The following PRIMA1 variants were observed in gnomAD, a reference collection of about 807,000 sequenced individuals.
PRIMA1 encodes the protein proline-rich membrane anchor 1.
PRIMA1 carries 7 observed loss-of-function variants against 17.5 expected under a neutral mutation model. The observed-to-expected ratio is 0.40, with a 90% confidence interval of 0.23 to 0.75. The LOEUF (loss-of-function observed/expected upper bound fraction) is 0.75, where lower values mean the gene tolerates loss of function less well. Ranked by LOEUF, PRIMA1 falls within the 30% of genes least tolerant of loss-of-function variation. The pLI is 0.37. For synonymous variants in PRIMA1, 97 were observed against 77.9 expected (o/e 1.25, Z -1.29); for missense variants, 200 against 201.8 (o/e 0.99, Z 0.05).
chr14:93,727,336 T>C (rs1324299322), intron 4 of PRIMA1, among the ~76,000 whole-genome samples: 1 of 152,234 alleles, frequency 6.6e-6, no homozygotes, highest in Non-Finnish European at 1.5e-5. Flanking sequence ...TGAGCACTGC[T>C]CTGCAGCCTG....
intron 3 of PRIMA1, among the ~76,000 whole-genome samples, chr14:93,754,884 C>T (rs778536253): frequency 5.3e-5 from 8 of 152,122 alleles, no homozygotes; most frequent in Non-Finnish European, 7.3e-5. Context: ...GACAGGGTGA[C>T]GCTTCAGAAA....
intron 4 of PRIMA1, among the ~76,000 whole-genome samples, chr14:93,734,233 T>A (rs2076133997): frequency 6.6e-6 from 1 of 152,240 alleles, no homozygotes; most frequent in South Asian, 2.1e-4. Context: ...AGCGTCGGCT[T>A]ACACCCCAAC....
At position 93,726,855 on chromosome 14, in the gene PRIMA1, GCA is replaced by G. The variant is rs981043057; in HGVS notation, c.360-5311_360-5310del. Among the ~76,000 whole-genome samples, 2 of 151,960 alleles carry G rather than the reference GCA, an allele frequency of 1.3e-5. No homozygotes were observed. The highest frequency in any genetic ancestry group is 1.3e-4 in the Admixed American group (2 of 15,270). ...TACACACATGTCCCTACACACATAT[GCA>G]CACATACACATATGTGCACATGCAT... On this transcript the variant is annotated intron_variant, in intron 4 of 4. Coordinates refer to ENST00000393140, the MANE Select transcript of PRIMA1 (RefSeq NM_178013.4). This position sits in a 1 kb window ranked among gnomAD's most constrained non-coding sequence, Gnocchi z 4.2.
chr14:93,757,315 A>T (rs1302005256), intron 3 of PRIMA1, among the ~76,000 whole-genome samples: 1 of 152,156 alleles, frequency 6.6e-6, no homozygotes, highest in Non-Finnish European at 1.5e-5. Context: ...CACCACCACC[A>T]GCTCGAGCTC....
intron 1 of PRIMA1, 85 bp from the exon 2 acceptor site, chr14:93,787,834 C>T: frequency 6.9e-7 from 1 of 1,446,480 alleles, no homozygotes; most frequent in Non-Finnish European, 9.1e-7. Context: ...CAGCCCGGGT[C>T]GGACGGGCAC....
At chr14:93,746,074 G>A (rs1174023849) in intron 3 of PRIMA1, among the ~76,000 whole-genome samples, 1 of 152,136 alleles carries the variant, frequency 6.6e-6, no homozygotes, top group Non-Finnish European at 1.5e-5. Context: ...CTTTGGGAGA[G>A]GCGGGCTCAG....
At chr14:93,780,316 A>G (rs992662427) in intron 2 of PRIMA1, among the ~76,000 whole-genome samples, 3 of 152,132 alleles carry the variant, frequency 2.0e-5, no homozygotes, top group Admixed American at 2.0e-4. Context: ...CCTGGTTCAT[A>G]CCTATCTTCA....
At chr14:93,761,009 T>G (rs779272801) in intron 3 of PRIMA1, among the ~76,000 whole-genome samples, 4 of 152,006 alleles carry the variant, frequency 2.6e-5, no homozygotes, top group Non-Finnish European at 4.4e-5. Flanking sequence ...GTCATCCCTA[T>G]GGTCAGAATC....
rs1314203231 is a variant in PRIMA1, at chr14:93,761,110, C to T, written c.229+18066G>A. On this transcript the variant is annotated intron_variant, in intron 3 of 4. Transcript: ENST00000393140. ...CCTATAATCCCAGAACTTTGGGAGG[C>T]CAAGGCGGGTGGATCACTTGAGGCT... 2.0e-5 allele frequency among the ~76,000 whole-genome samples: 3 copies of T among 151,930 alleles called. No individual in the cohort carries two copies. The East Asian group carries it at 5.8e-4, about 30-fold the overall frequency.
chr14:93,725,852 G>A, intron 4 of PRIMA1: 1 of 439,276 alleles, frequency 2.3e-6, no homozygotes, highest in Admixed American at 2.4e-5. Context: ...CGTGCCCCGT[G>A]GGGCTCCGGA....
rs775188425 is a variant in PRIMA1 at position 93,779,216 on chromosome 14, C to T, written c.189G>A (p.Pro63=). 1.8e-4 allele frequency: 76 copies of T among 415,192 alleles called. 1 individual carries two copies. The highest frequency in any genetic ancestry group is 1.3e-3 in the South Asian group (30 of 22,992). 25.7% of individuals were successfully genotyped at this position (415,192 alleles called of 1,614,324 possible). ...QCRPPPPLPP[P]PPPPPPPRLL... ...GTCTGGGAGGTGGCGGGGGTGGGGG[C>T]GGCGGGGGCAGCGGGGGAGGGGGCC... is the stretch of plus-strand genomic sequence containing the variant. Residue 63 remains proline (P), a synonymous_variant, in exon 3 of 5, where the codon CCG becomes CCA. Coordinates refer to ENST00000393140, the MANE Select transcript of PRIMA1 (RefSeq NM_178013.4).
chr14:93,782,115 A>T (rs1190487239), intron 2 of PRIMA1, among the ~76,000 whole-genome samples: 1 of 152,164 alleles, frequency 6.6e-6, no homozygotes, highest in Admixed American at 6.5e-5. Flanking sequence ...AAAATACAGA[A>T]AAATTAGCCG....
intron 3 of PRIMA1, among the ~76,000 whole-genome samples, chr14:93,768,512 C>T (rs1408740629): frequency 6.6e-6 from 1 of 152,104 alleles, no homozygotes; most frequent in Non-Finnish European, 1.5e-5. Context: ...ATTTTTAAAG[C>T]CCCCAGGTGT....
chr14:93,744,893 G>T (rs1378190346), intron 3 of PRIMA1, among the ~76,000 whole-genome samples: 2 of 152,142 alleles, frequency 1.3e-5, no homozygotes, highest in African/African-American at 2.4e-5. Context: ...AGAGCTCCTG[G>T]GGGTGCCTCA....
intron 3 of PRIMA1, among the ~76,000 whole-genome samples, chr14:93,759,503 G>A (rs964022646): frequency 4.6e-5 from 7 of 152,222 alleles, no homozygotes; most frequent in Admixed American, 1.3e-4. Flanking sequence ...GCATGTGTGC[G>A]TGTGCATGTG....
At chr14:93,729,744 G>A (rs1047070536) in intron 4 of PRIMA1, among the ~76,000 whole-genome samples, 1 of 152,236 alleles carries the variant, frequency 6.6e-6, no homozygotes, top group African/African-American at 2.4e-5. Flanking sequence ...GGAGGTAGAT[G>A]GCGGAGCTGC....
intron 3 of PRIMA1, among the ~76,000 whole-genome samples, chr14:93,737,955 G>A (rs1225405267): frequency 6.6e-6 from 1 of 152,210 alleles, no homozygotes; most frequent in Non-Finnish European, 1.5e-5. Flanking sequence ...GGCGGGGGTG[G>A]GGAGCGGGGC....
chr14:93,751,704 G>A (rs1228454586), intron 3 of PRIMA1, among the ~76,000 whole-genome samples: 1 of 152,186 alleles, frequency 6.6e-6, no homozygotes, highest in African/African-American at 2.4e-5. Context: ...GACCAAAAAG[G>A]GATGATGACA....
intron 3 of PRIMA1, among the ~76,000 whole-genome samples, chr14:93,738,758 G>A (rs1028271026): frequency 2.0e-5 from 3 of 152,224 alleles, no homozygotes; most frequent in Non-Finnish European, 2.9e-5. Context: ...AGTGGAAGCC[G>A]CACCTTCAGC....
Sources: allele counts gnomAD v4.1 joint callset (sites outside exome capture counted in the v4.1 genomes callset), GRCh38; gene constraint gnomAD v4.1.1; non-coding constraint Gnocchi (gnomAD v3.1); transcripts MANE v1.5; gene names NCBI Gene and HGNC (gene_info 2026-07-23, HGNC 2026-07-21).